The following PYM1 variants were observed in gnomAD, a reference collection of about 807,000 sequenced individuals.
The protein encoded by PYM1 is partner of Y14 and mago.
In PYM1, 7 loss-of-function variants were observed where a neutral mutation model predicts 20.7. That is an observed-to-expected ratio of 0.34 (90% CI 0.19 to 0.64). The LOEUF is 0.64. Ranked by LOEUF, PYM1 falls within the 30% of genes least tolerant of loss-of-function variation. The pLI is 0.74. For missense variants in PYM1, 194 were observed against 250.0 expected, an observed-to-expected ratio of 0.78 and a Z score of 1.51; for synonymous variants, 100 against 99.2, an observed-to-expected ratio of 1.01 and a Z score of -0.05.
intron 1 of PYM1, chr12:55,927,301 T>A (rs1407885433): frequency 4.6e-6 from 4 of 871,204 alleles, no homozygotes; most frequent in Admixed American, 4.0e-5. Flanking sequence ...CCGTGGGCTT[T>A]TTACTGCCAC....
chr12:55,927,243 T>G (rs1592644196), intron 1 of PYM1: 1 of 1,307,790 alleles, frequency 7.6e-7, no homozygotes, highest in Non-Finnish European at 1.1e-6. Context: ...TGGGCGGAGG[T>G]GGAGGAGGAG....
chr12:55,904,408 A>G (rs1173910803), intron 1 of PYM1, among the ~76,000 whole-genome samples: 1 of 151,290 alleles, frequency 6.6e-6, no homozygotes, highest in Non-Finnish European at 1.5e-5. Context: ...CCTGACCAAC[A>G]TAGTGAAACC....
In PYM1 at chr12:55,927,865, G is replaced by GCTTC. The variant is rs1410406288; in HGVS notation, c.-108_-105dup. ...CGGCGAAGTGATGAGGGCCCTAGTT[G>GCTTC]CTTCTCGCCCAGACCTCCTAACCCT... On this transcript the variant is annotated 5_prime_UTR_variant, in exon 1 of 3. Coordinates refer to ENST00000408946, the MANE Select transcript of PYM1 (RefSeq NM_032345.3). 2.1e-6 allele frequency: 3 copies of GCTTC among 1,437,320 alleles called. No individual in the cohort carries two copies. In the Admixed American group the frequency reaches 6.7e-5, roughly 32 times the overall value. The allele number at this position is 1,437,320 out of a possible 1,614,324, so 89.0% of individuals were successfully genotyped here.
chr12:55,917,981 A>AC (rs1356102969), intron 1 of PYM1, among the ~76,000 whole-genome samples: 5 of 152,222 alleles, frequency 3.3e-5, no homozygotes, highest in South Asian at 2.1e-4. Context: ...AAACAAACAA[A>AC]AAAAAAACTT....
chr12:55,921,069 G>A (rs1883090111), intron 1 of PYM1, among the ~76,000 whole-genome samples: 1 of 152,092 alleles, frequency 6.6e-6, no homozygotes, highest in African/African-American at 2.4e-5. Flanking sequence ...AACAAGAGAG[G>A]GACTGGAAAT....
Position 55,902,458 on chromosome 12 carries a change from T to C in PYM1, c.132-103A>G, listed in dbSNP as rs1882711171. 2.8e-6 allele frequency: 4 copies of C among 1,438,648 alleles called. No individual in the cohort carries two copies. The African/African-American group carries it at 4.3e-5, about 15-fold the overall frequency. The allele number at this position is 1,438,648 out of a possible 1,614,324, so 89.1% of individuals were successfully genotyped here. On this transcript the variant is annotated intron_variant, in intron 2 of 2. Coordinates refer to ENST00000408946, the MANE Select transcript of PYM1 (RefSeq NM_032345.3). ...TCATCCTCATTACATTCTTGCTTCC[T>C]TTTTTTGTTGTTGTTTTTGTGGGGT...
At chr12:55,912,895 C>T (rs1002411428) in intron 1 of PYM1, among the ~76,000 whole-genome samples, 5 of 150,780 alleles carry the variant, frequency 3.3e-5, no homozygotes, top group East Asian at 3.9e-4. Flanking sequence ...ACCCGGGAGG[C>T]GGAGGTTGCA....
Position 55,901,804 on chromosome 12 carries a change from C to G in PYM1, c.*68G>C, listed in dbSNP as rs373023484. The G allele has an allele frequency of 1.3e-6, 2 of 1,527,468 alleles. No individual in the cohort carries two copies. Among genetic ancestry groups the G allele is most frequent in the Non-Finnish European group, 1.8e-6 (2 of 1,142,280 alleles). 94.6% of individuals were successfully genotyped at this position (1,527,468 alleles called of 1,614,324 possible). ...GGTACCCCTCCTGACTGCTGTTGCC[C>G]GTATTCCCCCAGACCCCAGAGAGCC... is the stretch of plus-strand genomic sequence containing the variant. On this transcript the variant is annotated 3_prime_UTR_variant, in exon 3 of 3. Transcript: ENST00000408946.
At chr12:55,921,480 G>A (rs1883096581) in intron 1 of PYM1, among the ~76,000 whole-genome samples, 1 of 151,596 alleles carries the variant, frequency 6.6e-6, no homozygotes, top group South Asian at 2.1e-4. Context: ...CAAGAGAGAA[G>A]TAAAAGATGA....
At chr12:55,904,810 G>C (rs1301037788) in intron 1 of PYM1, among the ~76,000 whole-genome samples, 3 of 151,526 alleles carry the variant, frequency 2.0e-5, no homozygotes, top group Non-Finnish European at 4.4e-5. Context: ...CTGGGAGGCA[G>C]AGGTTGCAGT....
At chr12:55,912,593 A>C (rs568377278) in intron 1 of PYM1, among the ~76,000 whole-genome samples, 4 of 144,302 alleles carry the variant, frequency 2.8e-5, no homozygotes, top group Admixed American at 7.0e-5. Context: ...AGAGGGGGGA[A>C]AAAAAAAAGG....
intron 1 of PYM1, among the ~76,000 whole-genome samples, chr12:55,905,448 T>C (rs1332307428): frequency 6.6e-6 from 1 of 151,286 alleles, no homozygotes; most frequent in African/African-American, 2.4e-5. Flanking sequence ...ATGCCTGTAA[T>C]CCCAACACTT....
intron 1 of PYM1, chr12:55,914,373 AT>A (rs1592639045): frequency 1.4e-6 from 1 of 702,320 alleles, no homozygotes. Context: ...ACCCCTAGAA[AT>A]AAAAACCAAG....
At chr12:55,922,623 A>C (rs1441524337) in intron 1 of PYM1, among the ~76,000 whole-genome samples, 1 of 152,074 alleles carries the variant, frequency 6.6e-6, no homozygotes, top group Non-Finnish European at 1.5e-5. Flanking sequence ...GTCTCAAAAA[A>C]ACAAAAATAT....
At chr12:55,916,334 C>T (rs543549872) in intron 1 of PYM1, among the ~76,000 whole-genome samples, 1 of 132,316 alleles carries the variant, frequency 7.6e-6, no homozygotes, top group East Asian at 2.2e-4. Flanking sequence ...GACTCCAGCT[C>T]AAAAAAAAAA....
chr12:55,916,506 A>C (rs1883010243), intron 1 of PYM1, among the ~76,000 whole-genome samples: 1 of 151,920 alleles, frequency 6.6e-6, no homozygotes, highest in Non-Finnish European at 1.5e-5. Context: ...TACTACATTT[A>C]AAAGTAGTCA....
At chr12:55,910,567 C>T (rs543327464) in intron 1 of PYM1, among the ~76,000 whole-genome samples, 15 of 152,170 alleles carry the variant, frequency 9.9e-5, no homozygotes, top group Middle Eastern at 3.4e-3. Context: ...CTCAGTCTCC[C>T]GAGTACCTGG....
chr12:55,908,442 GAAGA>G (rs1201054350), intron 1 of PYM1, among the ~76,000 whole-genome samples: 6 of 147,586 alleles, frequency 4.1e-5, no homozygotes, highest in Non-Finnish European at 7.5e-5. Context: ...AAAAAAAAAA[GAAGA>G]AAGAAAAAAG....
At chr12:55,912,593 A>G (rs568377278) in intron 1 of PYM1, among the ~76,000 whole-genome samples, 8 of 144,370 alleles carry the variant, frequency 5.5e-5, no homozygotes, top group Admixed American at 2.8e-4. Flanking sequence ...AGAGGGGGGA[A>G]AAAAAAAAGG....
Sources: allele counts gnomAD v4.1 joint callset (sites outside exome capture counted in the v4.1 genomes callset), GRCh38; gene constraint gnomAD v4.1.1; transcripts MANE v1.5; gene names NCBI Gene and HGNC (gene_info 2026-07-23, HGNC 2026-07-21).